Variants in ELOVL6 observed in about 807,000 individuals in gnomAD.
ELOVL6 encodes very long chain fatty acid elongase 6.
Under a neutral mutation model 31.7 loss-of-function variants are expected in ELOVL6, and 8 were observed. The ratio of observed to expected loss-of-function variants is 0.25; its 90% confidence interval spans 0.15 to 0.45. The LOEUF is 0.45. ELOVL6 is among the 20% of genes least tolerant of loss of function. ELOVL6 has a pLI of 1.00. For missense variants in ELOVL6, 126 were observed against 326.4 expected (o/e 0.39, Z 4.73); for synonymous variants, 101 against 117.7 (o/e 0.86, Z 0.92).
intron 1 of ELOVL6, among the ~76,000 whole-genome samples, chr4:110,173,058 G>A (rs539773768): frequency 5.3e-5 from 8 of 152,090 alleles, no homozygotes; most frequent in Non-Finnish European, 1.0e-4. Flanking sequence ...GTGTAATAAA[G>A]ACAAAAAGCA....
chr4:110,056,307 C>G (rs769798735), intron 3 of ELOVL6, among the ~76,000 whole-genome samples: 1 of 151,836 alleles, frequency 6.6e-6, no homozygotes, highest in Non-Finnish European at 1.5e-5. Flanking sequence ...TAAATAGTAG[C>G]GACAAGATTT....
intron 2 of ELOVL6, among the ~76,000 whole-genome samples, chr4:110,084,326 G>T (rs867971719): frequency 0.035 from 2,608 of 75,142 alleles, 197 homozygotes; most frequent in African/African-American, 0.044. Flanking sequence ...ATATAAATTT[G>T]ATATATATCA....
chr4:110,179,596 T>C (rs530102070), intron 1 of ELOVL6, among the ~76,000 whole-genome samples: 3 of 152,218 alleles, frequency 2.0e-5, no homozygotes, highest in African/African-American at 7.2e-5. Flanking sequence ...CATGAAAAAA[T>C]ACAATTTAAG....
intron 1 of ELOVL6, among the ~76,000 whole-genome samples, chr4:110,164,320 G>A (rs1170337060): frequency 6.6e-6 from 1 of 152,148 alleles, no homozygotes; most frequent in Admixed American, 6.5e-5. Context: ...ACAAGTTAAG[G>A]TGAGGGAAGA....
At chr4:110,110,553 G>A (rs1177473257) in intron 1 of ELOVL6, among the ~76,000 whole-genome samples, 1 of 151,712 alleles carries the variant, frequency 6.6e-6, no homozygotes, top group Non-Finnish European at 1.5e-5. Context: ...CACTACAGGT[G>A]CGCCTGATTC....
chr4:110,154,882 A>G (rs1052537572), intron 1 of ELOVL6, among the ~76,000 whole-genome samples: 1 of 152,256 alleles, frequency 6.6e-6, no homozygotes, highest in African/African-American at 2.4e-5. Context: ...AAAATGTGCT[A>G]GAGGTCAAAA....
At chr4:110,090,882 C>T (rs775443464) in intron 2 of ELOVL6, among the ~76,000 whole-genome samples, 2 of 152,208 alleles carry the variant, frequency 1.3e-5, no homozygotes, top group East Asian at 1.9e-4. Flanking sequence ...GGATTACAGG[C>T]GTGAGCCACC....
In ELOVL6 at chr4:110,105,563, T is replaced by C; in HGVS notation, c.155A>G (p.Asn52Ser). The C allele has an allele frequency of 6.2e-7, 1 of 1,613,846 alleles. No individual in the cohort carries two copies. The highest frequency in any genetic ancestry group is 8.5e-7 in the Non-Finnish European group (1 of 1,179,784). ...AFIFGGRHLMNKRAKFELRKP... is the reference protein window; with the variant it reads ...AFIFGGRHLMSKRAKFELRKP... ...CCTCAGTTCAAACTTTGCTCGTTTA[T>C]TCATTAGGTGCCGACCACCGAATAT... Residue 52 changes from asparagine to serine, a missense_variant, in exon 2 of 4, where the codon AAT becomes AGT. Coordinates refer to ENST00000302274, the MANE Select transcript of ELOVL6 (RefSeq NM_024090.3).
At chr4:110,154,917 C>G (rs1758373077) in intron 1 of ELOVL6, among the ~76,000 whole-genome samples, 1 of 152,222 alleles carries the variant, frequency 6.6e-6, no homozygotes, top group East Asian at 1.9e-4. Context: ...AAAGAGAGAT[C>G]TGAGTCCAAC....
At chr4:110,105,701 CT>C (rs775235389) in intron 1 of ELOVL6, 73 bp from the exon 2 acceptor site, 232 of 1,414,422 alleles carry the variant, frequency 1.6e-4, no homozygotes, top group Non-Finnish European at 2.2e-4. Context: ...ACCAGTTCTC[CT>C]CTTTGTAAGC....
intron 1 of ELOVL6, among the ~76,000 whole-genome samples, chr4:110,124,958 A>T (rs1265141167): frequency 6.6e-6 from 1 of 152,232 alleles, no homozygotes; most frequent in Non-Finnish European, 1.5e-5. Flanking sequence ...ATGAGTCAGC[A>T]GTGAAGGACA....
intron 2 of ELOVL6, among the ~76,000 whole-genome samples, chr4:110,096,507 T>TA (rs1756584068): frequency 6.6e-6 from 1 of 152,150 alleles, no homozygotes; most frequent in Non-Finnish European, 1.5e-5. Flanking sequence ...ACTCCACTAT[T>TA]ACCTACTCAT....
chr4:110,146,529 A>T, intron 1 of ELOVL6: 1 of 152,920 alleles, frequency 6.5e-6, no homozygotes, highest in East Asian at 1.9e-4. Context: ...TTTTATTTTT[A>T]AGCTACACCT....
chr4:110,147,875 C>T (rs1758164731), intron 1 of ELOVL6, among the ~76,000 whole-genome samples: 2 of 151,832 alleles, frequency 1.3e-5, no homozygotes, highest in South Asian at 4.2e-4. Context: ...AGCACTTTGG[C>T]AGGCCGAGGT....
intron 2 of ELOVL6, among the ~76,000 whole-genome samples, chr4:110,084,259 AGCTTATATG>A (rs1756092684): frequency 7.8e-6 from 1 of 128,218 alleles, no homozygotes; most frequent in South Asian, 2.4e-4. Context: ...TATAACATAT[AGCTTATATG>A]TGATATATAA....
At chr4:110,192,082 C>T (rs1383187656) in intron 1 of ELOVL6, among the ~76,000 whole-genome samples, 3 of 151,148 alleles carry the variant, frequency 2.0e-5, no homozygotes, top group Non-Finnish European at 4.4e-5. Context: ...CCCAGCTACT[C>T]AGGAGGTTGA....
At chr4:110,076,099 C>T (rs1238678415) in intron 2 of ELOVL6, among the ~76,000 whole-genome samples, 2 of 152,248 alleles carry the variant, frequency 1.3e-5, no homozygotes, top group Non-Finnish European at 1.5e-5. Flanking sequence ...TGAGAAAAAC[C>T]GAACTCCATT....
chr4:110,162,372 G>T (rs1362005858), intron 1 of ELOVL6, among the ~76,000 whole-genome samples: 1 of 152,134 alleles, frequency 6.6e-6, no homozygotes, highest in Non-Finnish European at 1.5e-5. Context: ...TTGAGACAGG[G>T]TCTCAATGTG....
chr4:110,096,388 G>A (rs61185590), intron 2 of ELOVL6, among the ~76,000 whole-genome samples: 3,566 of 152,232 alleles, frequency 0.023, 204 homozygotes, highest in East Asian at 0.17. Flanking sequence ...ATTCAGTTAG[G>A]GTCACTTTAT....
Sources: allele counts gnomAD v4.1 joint callset (sites outside exome capture counted in the v4.1 genomes callset), GRCh38; gene constraint gnomAD v4.1.1; transcripts MANE v1.5; gene names NCBI Gene and HGNC (gene_info 2026-07-23, HGNC 2026-07-21).